SAMD12: variants seen among roughly 807,000 people sequenced by gnomAD.
The protein encoded by SAMD12 is sterile alpha motif domain containing 12, also known as sterile alpha motif domain-containing protein 12.
In SAMD12, 9 loss-of-function variants were observed where a neutral mutation model predicts 15.0. The observed-to-expected ratio is 0.60, with a 90% CI of 0.36 to 1.05. The LOEUF is 1.05. Ranked by LOEUF, SAMD12 falls within the 50% of genes least tolerant of loss-of-function variation. SAMD12 has a pLI of 0.01. For synonymous variants in SAMD12, 86 were observed against 90.1 expected (o/e 0.96, Z 0.25); for missense variants, 230 against 234.2 (o/e 0.98, Z 0.12).
At chr8:118,256,156 T>C (rs1205814922) in intron 4 of SAMD12, among the ~76,000 whole-genome samples, 5 of 152,196 alleles carry the variant, frequency 3.3e-5, no homozygotes, top group Admixed American at 2.6e-4. Flanking sequence ...ATGTCTTCTT[T>C]TGAGAAGTGT....
At chr8:118,273,852 G>A (rs1428141975) in intron 4 of SAMD12, among the ~76,000 whole-genome samples, 1 of 152,138 alleles carries the variant, frequency 6.6e-6, no homozygotes. Flanking sequence ...CAGTCCTCAG[G>A]TAGGAACAGT....
At chr8:118,314,722 GT>G (rs1476547739) in intron 4 of SAMD12, among the ~76,000 whole-genome samples, 11 of 152,260 alleles carry the variant, frequency 7.2e-5, no homozygotes, top group Admixed American at 7.2e-4. Flanking sequence ...CCATGTTTCA[GT>G]AGTTTGTTCC....
rs79677731 is a variant in SAMD12 at position 118,571,445 on chromosome 8, G to T, written c.192+9270C>A. 1.6e-3 allele frequency among the ~76,000 whole-genome samples: 247 copies of T among 152,320 alleles called. 12 individuals are homozygous for T. In the East Asian group the frequency reaches 0.041, roughly 25 times the overall value. On this transcript the variant is annotated intron_variant, in intron 2 of 3. Coordinates refer to ENST00000314727, the MANE Select transcript of SAMD12 (RefSeq NM_207506.3). ...ATTTGCAGAAATTTGCATAACTAAC[G>T]AGGAAGGAAATTTTCATCTCCAAGG...
chr8:118,441,836 T>G (rs1822772205), intron 2 of SAMD12, among the ~76,000 whole-genome samples: 1 of 152,146 alleles, frequency 6.6e-6, no homozygotes, highest in Non-Finnish European at 1.5e-5. Flanking sequence ...TTCTGCCTGA[T>G]TCACTCTCTG....
chr8:118,508,287 A>G (rs887195375), intron 2 of SAMD12, among the ~76,000 whole-genome samples: 2 of 151,982 alleles, frequency 1.3e-5, no homozygotes, highest in Non-Finnish European at 2.9e-5. Context: ...TGTAAATGAC[A>G]AGTTAATGGG....
intron 2 of SAMD12, among the ~76,000 whole-genome samples, chr8:118,505,699 G>C (rs1188570765): frequency 6.6e-6 from 1 of 151,650 alleles, no homozygotes; most frequent in Non-Finnish European, 1.5e-5. Flanking sequence ...TTCATATCTC[G>C]TAAGACGTTT....
chr8:118,549,021 C>G (rs1168599715), intron 2 of SAMD12, among the ~76,000 whole-genome samples: 1 of 152,216 alleles, frequency 6.6e-6, no homozygotes. Context: ...ACGAAGCAGC[C>G]AGGAAGCTGG....
intron 3 of SAMD12, among the ~76,000 whole-genome samples, chr8:118,384,673 A>G (rs1170886461): frequency 2.0e-5 from 3 of 152,216 alleles, no homozygotes; most frequent in African/African-American, 7.2e-5. Flanking sequence ...TCCTGGTAGC[A>G]TTACTGCTAT....
intron 2 of SAMD12, among the ~76,000 whole-genome samples, chr8:118,566,105 G>C (rs574780706): frequency 6.6e-6 from 1 of 152,208 alleles, no homozygotes; most frequent in African/African-American, 2.4e-5. Flanking sequence ...ATCTTCCATT[G>C]CACTAGGTGT....
intron 3 of SAMD12, among the ~76,000 whole-genome samples, chr8:118,418,660 A>C (rs1023656291): frequency 6.6e-6 from 1 of 151,920 alleles, no homozygotes; most frequent in African/African-American, 2.4e-5. Context: ...TGGAGCTTGC[A>C]GTGAGCCGAG....
intron 3 of SAMD12, among the ~76,000 whole-genome samples, chr8:118,380,260 C>T (rs73327518): frequency 0.049 from 7,480 of 152,250 alleles, 603 homozygotes; most frequent in African/African-American, 0.17. Flanking sequence ...ACCCCTGGCA[C>T]TGGGCTGGAG....
intron 4 of SAMD12, among the ~76,000 whole-genome samples, chr8:118,258,617 T>A (rs758982986): frequency 3.3e-5 from 5 of 152,008 alleles, no homozygotes; most frequent in Admixed American, 1.3e-4. Flanking sequence ...TTACCCCCCC[T>A]CATATGATTT....
At chr8:118,414,959 A>G (rs1184647321) in intron 3 of SAMD12, among the ~76,000 whole-genome samples, 2 of 152,194 alleles carry the variant, frequency 1.3e-5, no homozygotes, top group African/African-American at 4.8e-5. Flanking sequence ...AAACTGATAT[A>G]ATTTTTCAAA....
chr8:118,488,591 T>C (rs1824351913), intron 2 of SAMD12, among the ~76,000 whole-genome samples: 1 of 152,178 alleles, frequency 6.6e-6, no homozygotes, highest in Non-Finnish European at 1.5e-5. Context: ...TCTTAGTTTT[T>C]GCCTTCTGTT....
At chr8:118,211,337 C>T (rs1318431408) in intron 4 of SAMD12, among the ~76,000 whole-genome samples, 1 of 152,196 alleles carries the variant, frequency 6.6e-6, no homozygotes, top group Non-Finnish European at 1.5e-5. Context: ...GTCTACAAGC[C>T]TCTCCTCTCC....
At chr8:118,377,272 C>T (rs895476878), downstream of SAMD12, among the ~76,000 whole-genome samples, 5 of 151,986 alleles carry the variant, frequency 3.3e-5, no homozygotes, top group African/African-American at 1.2e-4. Context: ...GTGGTGCATG[C>T]CTGTAATCCC....
chr8:118,225,608 A>G (rs1812173061), intron 4 of SAMD12, among the ~76,000 whole-genome samples: 1 of 152,192 alleles, frequency 6.6e-6, no homozygotes, highest in Admixed American at 6.5e-5. Context: ...CAGGAGTTCA[A>G]CTAAGTCTCC....
chr8:118,229,114 T>C (rs535118504), intron 4 of SAMD12, among the ~76,000 whole-genome samples: 1 of 152,038 alleles, frequency 6.6e-6, no homozygotes, highest in Middle Eastern at 3.4e-3. Context: ...AATGATGCAA[T>C]GGACTTTAGG....
At chr8:118,176,736 G>A in the SAMD12 span, among the ~76,000 whole-genome samples, 1 of 151,930 alleles carries the variant, frequency 6.6e-6, no homozygotes, top group East Asian at 1.9e-4. Flanking sequence ...AAAATTACTG[G>A]TACACCAAAC....
Sources: allele counts gnomAD v4.1 joint callset (sites outside exome capture counted in the v4.1 genomes callset), GRCh38; gene constraint gnomAD v4.1.1; transcripts MANE v1.5; gene names NCBI Gene and HGNC (gene_info 2026-07-23, HGNC 2026-07-21).